PCDH17: variants seen among roughly 807,000 people sequenced by gnomAD.
The protein encoded by PCDH17 is protocadherin-17.
In PCDH17, 21 loss-of-function variants were observed where a neutral mutation model predicts 67.7. That is an observed-to-expected ratio of 0.31 (90% CI 0.22 to 0.45). PCDH17 has a LOEUF of 0.45. Among genes scored for constraint, PCDH17 ranks in the 20% least tolerant of loss-of-function variants. The pLI is 1.00. For synonymous variants in PCDH17, 701 were observed against 656.7 expected (o/e 1.07, Z -1.03); for missense variants, 1,471 against 1,564.8 (o/e 0.94, Z 1.01).
In PCDH17 at chr13:57,632,651, C is replaced by A. The variant is rs1289413905; in HGVS notation, c.105C>A (p.Ile35=). ...AGGAGCAAGGGGCCGGCACGGTGAT[C>A]GGGAACATCGGCAGGGATGCTCGAC... is the stretch of plus-strand genomic sequence containing the variant. ...VPEEQGAGTV[I]GNIGRDARLQ... is the part of the protein sequence containing the mutation. The change falls in exon 1 of 4, where the codon ATC becomes ATA. Residue 35 remains isoleucine (I), a synonymous_variant. Transcript: ENST00000377918. 2 of 1,612,882 alleles carry A rather than the reference C, an allele frequency of 1.2e-6. No homozygotes were observed. The highest frequency in any genetic ancestry group is 1.7e-6 in the Non-Finnish European group (2 of 1,179,964).
intron 3 of PCDH17, among the ~76,000 whole-genome samples, chr13:57,684,516 G>A (rs764284143): frequency 2.0e-5 from 3 of 151,804 alleles, no homozygotes; most frequent in Non-Finnish European, 1.5e-5. Flanking sequence ...ATTCCAAAAT[G>A]TATAAACAAT....
chr13:57,717,101 C>T (rs1955824135), intron 3 of PCDH17, among the ~76,000 whole-genome samples: 1 of 151,928 alleles, frequency 6.6e-6, no homozygotes, highest in African/African-American at 2.4e-5. Flanking sequence ...AGCCAGTTCT[C>T]TTCGGGGTAC....
At chr13:57,661,763 T>C (rs1339750355) in intron 1 of PCDH17, among the ~76,000 whole-genome samples, 2 of 152,194 alleles carry the variant, frequency 1.3e-5, no homozygotes, top group Admixed American at 1.3e-4. Context: ...TTCATATTTG[T>C]GTGGGTCTGC....
chr13:57,675,069 C>A (rs1955375692), intron 3 of PCDH17, among the ~76,000 whole-genome samples: 1 of 151,890 alleles, frequency 6.6e-6, no homozygotes, highest in Non-Finnish European at 1.5e-5. Flanking sequence ...ATAGGCACAT[C>A]ATATCTGTAG....
intron 3 of PCDH17, among the ~76,000 whole-genome samples, chr13:57,712,445 A>G (rs1955785086): frequency 6.6e-6 from 1 of 151,748 alleles, no homozygotes. Context: ...AAGCATTATA[A>G]AGAAATGTGC....
chr13:57,633,921 G>T lies in PCDH17; in HGVS notation c.1375G>T (p.Ala459Ser), dbSNP rs754390922. The T allele has an allele frequency of 3.7e-6, 6 of 1,613,374 alleles. No individual in the cohort carries two copies. The highest frequency in any genetic ancestry group is 5.1e-6 in the Non-Finnish European group (6 of 1,180,034). ...TCCCCTCAACTCCACCAAGTCGTTCGCGATCAAGATTCTAGACGAGAACGA... is the reference window on the plus strand; with the variant it reads ...TCCCCTCAACTCCACCAAGTCGTTCTCGATCAAGATTCTAGACGAGAACGA... ...SPPLNSTKSF[A>S]IKILDENDNP... Residue 459 changes from alanine to serine, a missense_variant, in exon 1 of 4, where the codon GCG becomes TCG. By Grantham distance (99) the Ala-to-Ser change is moderately conservative. Around this residue, in one of 3 missense-constraint regions of PCDH17, gnomAD observed 1,163 missense variants for 1,230.0 expected, o/e 0.95. Transcript: ENST00000377918. The surrounding 1 kb of genome is among the most constrained non-coding windows in gnomAD (Gnocchi z 6.2).
In PCDH17 at chr13:57,633,343, A is replaced by G; in HGVS notation, c.797A>G (p.Asn266Ser). ...APLGTVVIDLNATDADEGPNG... is the reference protein window; with the variant it reads ...APLGTVVIDLSATDADEGPNG... ...CTGGGTACAGTGGTCATCGATCTGA[A>G]CGCCACCGACGCCGATGAAGGTCCC... The change falls in exon 1 of 4, where the codon AAC becomes AGC. Residue 266 changes from asparagine to serine, a missense_variant. Coordinates refer to ENST00000377918, the MANE Select transcript of PCDH17 (RefSeq NM_001040429.3). The surrounding 1 kb of genome is among the most constrained non-coding windows in gnomAD (Gnocchi z 6.2). The G allele has an allele frequency of 6.2e-7, 1 of 1,613,072 alleles. No homozygotes were observed. Among genetic ancestry groups the G allele is most frequent in the South Asian group, 1.1e-5 (1 of 91,068 alleles).
Position 57,725,109 on chromosome 13 carries a change from G to A in PCDH17, c.3295G>A (p.Val1099Ile). 1.2e-6 allele frequency: 2 copies of A among 1,614,172 alleles called. No homozygotes were observed. The highest frequency in any genetic ancestry group is 1.1e-5 in the South Asian group (1 of 91,078). ...PFMASDQMAR[V>I]FADVHSRASR... Reference sequence around the variant, plus strand: ...CATGGCTTCCGATCAGATGGCAAGGGTCTTTGCAGATGTGCATTCCAGAGC... The same window carrying A: ...CATGGCTTCCGATCAGATGGCAAGGATCTTTGCAGATGTGCATTCCAGAGC... The change falls in exon 4 of 4, where the codon GTC (valine) becomes ATC (isoleucine). Residue 1099 changes from valine to isoleucine, a missense_variant. Around this residue, in one of 3 missense-constraint regions of PCDH17, gnomAD observed 297 missense variants for 298.6 expected, o/e 0.99. Transcript: ENST00000377918.
Position 57,728,673 on chromosome 13 carries a change from T to A in PCDH17, c.*3379T>A, listed in dbSNP as rs2138112977. On this transcript the variant is annotated 3_prime_UTR_variant, in exon 4 of 4. Coordinates refer to ENST00000377918, the MANE Select transcript of PCDH17 (RefSeq NM_001040429.3). ...TTTCATGCTATTTCTTAACCTGACA[T>A]TTCTAACTTTATTGCAGGCAATATA... 1 of 152,200 alleles carries A rather than the reference T, an allele frequency of 6.6e-6. No individual in the cohort carries two copies. Among genetic ancestry groups the A allele is most frequent in the Admixed American group, 6.5e-5 (1 of 15,274 alleles). 9.4% of individuals were successfully genotyped at this position (152,200 alleles called of 1,614,324 possible).
chr13:57,670,450 G>A (rs1300649180), intron 3 of PCDH17, among the ~76,000 whole-genome samples: 1 of 151,300 alleles, frequency 6.6e-6, no homozygotes, highest in Non-Finnish European at 1.5e-5. Context: ...CTAAATGAAA[G>A]GAGATGTGTT....
intron 3 of PCDH17, 26 bp from the exon 4 acceptor site, chr13:57,724,586 T>G: frequency 6.3e-7 from 1 of 1,576,822 alleles, no homozygotes; most frequent in Middle Eastern, 1.7e-4. Flanking sequence ...ATGATTGGAT[T>G]TGCTGTTTTC....
intron 1 of PCDH17, among the ~76,000 whole-genome samples, chr13:57,643,844 C>T (rs1264363687): frequency 6.6e-6 from 1 of 151,556 alleles, no homozygotes; most frequent in Non-Finnish European, 1.5e-5. Flanking sequence ...GAGGTCAGTG[C>T]CTTGCCTCAT....
chr13:57,695,220 T>C (rs918665783), intron 3 of PCDH17, among the ~76,000 whole-genome samples: 1 of 151,298 alleles, frequency 6.6e-6, no homozygotes, highest in Non-Finnish European at 1.5e-5. Flanking sequence ...GTATCTGTTA[T>C]AAAACAAAAG....
intron 3 of PCDH17, among the ~76,000 whole-genome samples, chr13:57,709,465 C>T (rs1351316996): frequency 6.6e-6 from 1 of 151,658 alleles, no homozygotes; most frequent in Admixed American, 6.6e-5. Flanking sequence ...AACTTAAATA[C>T]CCCCAGAAAA....
intron 3 of PCDH17, among the ~76,000 whole-genome samples, chr13:57,701,294 T>A (rs1029638382): frequency 6.6e-6 from 1 of 152,170 alleles, no homozygotes; most frequent in African/African-American, 2.4e-5. Flanking sequence ...GTTTGTTTTT[T>A]AACATAACCT....
In PCDH17 at chr13:57,728,793, A is replaced by G. The variant is rs749662142; in HGVS notation, c.*3499A>G. ...AAAATTAGCTGAAATCTTGTAAAAC[A>G]TGACTTCCCTTTAAAGGATCTAGAT... On this transcript the variant is annotated 3_prime_UTR_variant, in exon 4 of 4. Transcript: ENST00000377918. The G allele has an allele frequency of 8.5e-5, 13 of 152,172 alleles. No individual in the cohort carries two copies. Among genetic ancestry groups the G allele is most frequent in the Non-Finnish European group, 1.5e-5 (1 of 67,980 alleles). The allele number at this position is 152,172 out of a possible 1,614,324, so 9.4% of individuals were successfully genotyped here.
intron 3 of PCDH17, among the ~76,000 whole-genome samples, chr13:57,686,562 G>A (rs1417577283): frequency 1.3e-5 from 2 of 151,948 alleles, no homozygotes; most frequent in Non-Finnish European, 2.9e-5. Context: ...TGGTCAGTTT[G>A]AGTGGAAATA....
intron 1 of PCDH17, among the ~76,000 whole-genome samples, chr13:57,643,744 G>A (rs1441381865): frequency 3.3e-5 from 5 of 151,574 alleles, no homozygotes; most frequent in Non-Finnish European, 5.9e-5. Flanking sequence ...CCTTCCCATT[G>A]TTTCACGGCA....
chr13:57,712,321 C>CG (rs1276552671), intron 3 of PCDH17, among the ~76,000 whole-genome samples: 1 of 151,532 alleles, frequency 6.6e-6, no homozygotes, highest in Non-Finnish European at 1.5e-5. Context: ...TCAGCAGAGA[C>CG]GTTGTGATCC....
Sources: allele counts gnomAD v4.1 joint callset (sites outside exome capture counted in the v4.1 genomes callset), GRCh38; gene constraint gnomAD v4.1.1; regional missense constraint gnomAD v4.1.1; non-coding constraint Gnocchi (gnomAD v3.1); transcripts MANE v1.5; gene names NCBI Gene and HGNC (gene_info 2026-07-23, HGNC 2026-07-21).